The following KCNH7 variants were observed in gnomAD, a reference collection of about 807,000 sequenced individuals.
KCNH7 encodes potassium voltage-gated channel subfamily H member 7, also known as voltage-gated inwardly rectifying potassium channel KCNH7.
Under a neutral mutation model 120.8 loss-of-function variants are expected in KCNH7, and 49 were observed. That is an observed-to-expected ratio of 0.41 (90% CI 0.32 to 0.51). KCNH7 has a LOEUF of 0.51. Among genes scored for constraint, KCNH7 ranks in the 20% least tolerant of loss-of-function variants. KCNH7 has a pLI of 0.38. For missense variants in KCNH7, 1,097 were observed against 1,446.6 expected (o/e 0.76, Z 3.92); for synonymous variants, 547 against 516.1 (o/e 1.06, Z -0.81).
chr2:162,793,764 A>T (rs1684040040), intron 2 of KCNH7, among the ~76,000 whole-genome samples: 1 of 151,978 alleles, frequency 6.6e-6, no homozygotes, highest in African/African-American at 2.4e-5. Flanking sequence ...AAATGGTAGA[A>T]AGTTTCAGTT....
intron 4 of KCNH7, among the ~76,000 whole-genome samples, chr2:162,517,045 A>G (rs1691324111): frequency 6.6e-6 from 1 of 151,764 alleles, no homozygotes; most frequent in African/African-American, 2.4e-5. Context: ...GATGTTATCA[A>G]TTACCATGTT....
intron 2 of KCNH7, among the ~76,000 whole-genome samples, chr2:162,622,078 A>G (rs1683383324): frequency 6.6e-6 from 1 of 152,158 alleles, no homozygotes; most frequent in Non-Finnish European, 1.5e-5. Context: ...TCATTCTCCT[A>G]CTTACTTTTA....
intron 2 of KCNH7, among the ~76,000 whole-genome samples, chr2:162,566,174 A>G (rs758030570): frequency 2.0e-5 from 3 of 151,922 alleles, no homozygotes; most frequent in Non-Finnish European, 4.4e-5. Flanking sequence ...CTCCTCCTCA[A>G]AAAAAAGCAT....
chr2:162,707,595 A>T (rs1686760087), intron 2 of KCNH7, among the ~76,000 whole-genome samples: 1 of 152,154 alleles, frequency 6.6e-6, no homozygotes, highest in African/African-American at 2.4e-5. Flanking sequence ...TGAGTGAATA[A>T]ATACTACTGT....
chr2:162,570,189 A>T (rs1214439620), intron 2 of KCNH7, among the ~76,000 whole-genome samples: 1 of 148,590 alleles, frequency 6.7e-6, no homozygotes, highest in Non-Finnish European at 1.5e-5. Context: ...GTCTCTCAGG[A>T]CTTGCTTTAT....
At chr2:162,468,287 A>G (rs1018778218) in intron 6 of KCNH7, among the ~76,000 whole-genome samples, 1 of 152,168 alleles carries the variant, frequency 6.6e-6, no homozygotes, top group African/African-American at 2.4e-5. Flanking sequence ...AAACATTAAA[A>G]TAATTGAGAT....
At chr2:162,565,326 C>T (rs982575883) in intron 2 of KCNH7, among the ~76,000 whole-genome samples, 8 of 151,788 alleles carry the variant, frequency 5.3e-5, no homozygotes, top group South Asian at 2.1e-4. Flanking sequence ...GGAAAAAAAA[C>T]GTAACTAGTC....
chr2:162,606,159 C>A (rs1392080077), intron 2 of KCNH7, among the ~76,000 whole-genome samples: 2 of 151,928 alleles, frequency 1.3e-5, no homozygotes, highest in Non-Finnish European at 2.9e-5. Flanking sequence ...AATAAATCTC[C>A]CCTTAAATTC....
chr2:162,586,701 A>G (rs1398822357), intron 2 of KCNH7, among the ~76,000 whole-genome samples: 1 of 151,334 alleles, frequency 6.6e-6, no homozygotes, highest in Non-Finnish European at 1.5e-5. Flanking sequence ...TAGAAATACA[A>G]TGTTGAATTT....
intron 2 of KCNH7, among the ~76,000 whole-genome samples, chr2:162,753,531 C>T (rs1253177062): frequency 3.3e-5 from 5 of 152,162 alleles, no homozygotes; most frequent in East Asian, 3.9e-4. Context: ...CTATTCTATC[C>T]TAATGGTGGT....
intron 2 of KCNH7, among the ~76,000 whole-genome samples, chr2:162,824,465 C>G (rs2105600620): frequency 6.6e-6 from 1 of 152,136 alleles, no homozygotes; most frequent in Non-Finnish European, 1.5e-5. Context: ...TCCTACTGAG[C>G]CTTGGTTAAG....
intron 2 of KCNH7, among the ~76,000 whole-genome samples, chr2:162,685,918 A>G (rs1166573897): frequency 6.6e-6 from 1 of 152,112 alleles, no homozygotes; most frequent in Non-Finnish European, 1.5e-5. Context: ...TCAGTCAGGA[A>G]AGAGAGAACA....
intron 5 of KCNH7, among the ~76,000 whole-genome samples, chr2:162,508,045 G>A (rs908734266): frequency 2.6e-5 from 4 of 151,534 alleles, no homozygotes; most frequent in African/African-American, 4.8e-5. Flanking sequence ...ATATTTTATT[G>A]TAAACTGTTT....
At chr2:162,567,013 T>C (rs952517031) in intron 2 of KCNH7, among the ~76,000 whole-genome samples, 1 of 152,004 alleles carries the variant, frequency 6.6e-6, no homozygotes, top group Non-Finnish European at 1.5e-5. Flanking sequence ...AAGGCAGGCC[T>C]GTTAGTATAC....
chr2:162,690,327 T>A (rs1165298031), intron 2 of KCNH7, among the ~76,000 whole-genome samples: 2 of 152,086 alleles, frequency 1.3e-5, no homozygotes, highest in South Asian at 2.1e-4. Context: ...CAAACCCCCA[T>A]GACACAAATT....
intron 2 of KCNH7, among the ~76,000 whole-genome samples, chr2:162,607,220 C>CAA (rs34786286): frequency 1.7e-4 from 19 of 111,950 alleles, no homozygotes; most frequent in Admixed American, 3.6e-4. Context: ...ACTAAAAATA[C>CAA]AAAAAAAAAA....
chr2:162,423,624 A>G, intron 8 of KCNH7, 89 bp from the exon 9 acceptor site: 1 of 1,175,656 alleles, frequency 8.5e-7, no homozygotes, highest in South Asian at 1.5e-5. Flanking sequence ...GATTTTGATT[A>G]TCTCAATCTA....
intron 5 of KCNH7, among the ~76,000 whole-genome samples, chr2:162,508,803 A>G (rs912312763): frequency 1.3e-5 from 2 of 151,508 alleles, no homozygotes; most frequent in African/African-American, 4.8e-5. Context: ...GAGAGTGATC[A>G]TGAACAGATG....
At chr2:162,531,029 G>A (rs1475736460) in intron 3 of KCNH7, among the ~76,000 whole-genome samples, 2 of 151,754 alleles carry the variant, frequency 1.3e-5, no homozygotes, top group Non-Finnish European at 2.9e-5. Flanking sequence ...GTAAATAATG[G>A]GCCTTTGTAA....
Sources: gnomAD v4.1 joint callset for allele counts (sites outside exome capture counted in the v4.1 genomes callset) on GRCh38, gnomAD v4.1.1 for gene constraint, MANE v1.5 for transcripts, NCBI Gene and HGNC (gene_info 2026-07-23, HGNC 2026-07-21) for gene names.